The following PTPN13 variants were observed in gnomAD, a reference collection of about 807,000 sequenced individuals.
PTPN13 encodes the protein protein tyrosine phosphatase non-receptor type 13.
In PTPN13, 191 loss-of-function variants were observed where a neutral mutation model predicts 284.0. The ratio of observed to expected loss-of-function variants is 0.67; its 90% CI spans 0.60 to 0.76. The LOEUF is 0.76. Ranked by LOEUF, PTPN13 falls within the 30% of genes least tolerant of loss-of-function variation. The pLI is 0.00. For synonymous variants in PTPN13, 986 were observed against 1,022.3 expected (o/e 0.96, Z 0.68); for missense variants, 2,797 against 2,939.9 (o/e 0.95, Z 1.12).
chr4:86,639,771 T>C (rs900863227), intron 2 of PTPN13, among the ~76,000 whole-genome samples: 1 of 151,978 alleles, frequency 6.6e-6, no homozygotes, highest in African/African-American at 2.4e-5. Context: ...ATGGCACTTG[T>C]ATACATATGT....
chr4:86,735,632 G>T lies in PTPN13; in HGVS notation c.2190G>T (p.Leu730Phe). ...GVSYFRMEHYLPARVMEKLDL... is the reference protein window; with the variant it reads ...GVSYFRMEHYFPARVMEKLDL... ...CTTACTTTAGAATGGAGCACTATTTGCCCGCCAGAGTGATGGAGAAACTTG... is the reference window on the plus strand; with the variant it reads ...CTTACTTTAGAATGGAGCACTATTTTCCCGCCAGAGTGATGGAGAAACTTG... Residue 730 changes from leucine (L) to phenylalanine (F), a missense_variant, in exon 15 of 48, where the codon TTG becomes TTT. Coordinates refer to ENST00000411767, the MANE Select transcript of PTPN13 (RefSeq NM_080683.3). 2 of 1,613,434 alleles carry T rather than the reference G, an allele frequency of 1.2e-6. No individual in the cohort carries two copies. Among genetic ancestry groups the T allele is most frequent in the South Asian group, 1.1e-5 (1 of 91,006 alleles).
intron 7 of PTPN13, among the ~76,000 whole-genome samples, chr4:86,704,021 T>A (rs1265189744): frequency 6.6e-6 from 1 of 150,568 alleles, no homozygotes; most frequent in Non-Finnish European, 1.5e-5. Context: ...GAAAAAAAAA[T>A]ACAAAAATTA....
At chr4:86,740,779 A>G (rs1454016430) in intron 15 of PTPN13, among the ~76,000 whole-genome samples, 1 of 152,142 alleles carries the variant, frequency 6.6e-6, no homozygotes, top group Non-Finnish European at 1.5e-5. Flanking sequence ...GAACGCCTTT[A>G]ACAGCACCCA....
intron 38 of PTPN13, 73 bp from the exon 39 acceptor site, chr4:86,785,158 T>G: frequency 8.4e-7 from 1 of 1,189,800 alleles, no homozygotes; most frequent in South Asian, 1.8e-5. Context: ...TAGCAAATTC[T>G]GTTTAACACC....
At chr4:86,803,056 G>C (rs1012898836) in intron 42 of PTPN13, among the ~76,000 whole-genome samples, 1 of 146,434 alleles carries the variant, frequency 6.8e-6, no homozygotes, top group Non-Finnish European at 1.5e-5. Context: ...CTGGGCTACA[G>C]AATAAGACTG....
Position 86,741,754 on chromosome 4 carries a change from A to G in PTPN13, c.2425A>G (p.Asn809Asp), listed in dbSNP as rs559061187. The change falls in exon 16 of 48, where the codon AAT (asparagine) becomes GAT (aspartate). Residue 809 changes from asparagine (N) to aspartate (D), a missense_variant. By Grantham distance (23) the Asn-to-Asp change is conservative. Coordinates refer to ENST00000411767, the MANE Select transcript of PTPN13 (RefSeq NM_080683.3). ...SKGVLVFEVH[N>D]GVRTLVLRFP... ...AGGTGTCCTTGTGTTTGAAGTTCAC[A>G]ATGGAGTGCGCACATTGGTCCTTCG... The G allele has an allele frequency of 3.1e-6, 5 of 1,613,132 alleles. No homozygotes were observed. The highest frequency in any genetic ancestry group is 1.7e-5 in the Admixed American group (1 of 59,906).
At chr4:86,738,013 T>C (rs1735729505) in intron 15 of PTPN13, among the ~76,000 whole-genome samples, 1 of 152,186 alleles carries the variant, frequency 6.6e-6, no homozygotes, top group African/African-American at 2.4e-5. Context: ...AGGTGTGAGC[T>C]ACTGTGCCTG....
intron 7 of PTPN13, among the ~76,000 whole-genome samples, chr4:86,714,483 C>T (rs1732784081): frequency 6.6e-6 from 1 of 152,032 alleles, no homozygotes; most frequent in African/African-American, 2.4e-5. Flanking sequence ...CAGTCTCTCC[C>T]ACTCAACGGG....
intron 3 of PTPN13, among the ~76,000 whole-genome samples, chr4:86,673,229 A>G (rs1175507299): frequency 6.6e-6 from 1 of 152,208 alleles, no homozygotes; most frequent in African/African-American, 2.4e-5. Flanking sequence ...ATATGGCAGG[A>G]TGAAATAAAT....
At chr4:86,643,605 C>A (rs1724074126) in intron 2 of PTPN13, among the ~76,000 whole-genome samples, 1 of 152,018 alleles carries the variant, frequency 6.6e-6, no homozygotes, top group Admixed American at 6.6e-5. Context: ...TGCATAAATA[C>A]TTTCAGGAAA....
intron 2 of PTPN13, among the ~76,000 whole-genome samples, chr4:86,666,984 G>A (rs1458263962): frequency 6.6e-6 from 1 of 152,134 alleles, no homozygotes; most frequent in African/African-American, 2.4e-5. Flanking sequence ...TTGCTTGTCC[G>A]TCTGCAGCTC....
intron 2 of PTPN13, among the ~76,000 whole-genome samples, chr4:86,644,383 G>T (rs745688351): frequency 6.6e-6 from 1 of 152,052 alleles, no homozygotes; most frequent in Non-Finnish European, 1.5e-5. Context: ...CAAGCGACCC[G>T]CTCGCATCAG....
At chr4:86,783,562 TG>T (rs1329339810) in intron 37 of PTPN13, among the ~76,000 whole-genome samples, 2 of 149,610 alleles carry the variant, frequency 1.3e-5, no homozygotes, top group Non-Finnish European at 3.0e-5. Flanking sequence ...AACAATACTG[TG>T]TCCTTGAATG....
chr4:86,754,296 G>T (rs1737734906), intron 20 of PTPN13, among the ~76,000 whole-genome samples: 1 of 151,936 alleles, frequency 6.6e-6, no homozygotes, highest in Admixed American at 6.6e-5. Flanking sequence ...TAGCTTTCTA[G>T]TGATCAAACT....
chr4:86,710,212 A>G (rs1364380078), intron 7 of PTPN13, among the ~76,000 whole-genome samples: 1 of 152,166 alleles, frequency 6.6e-6, no homozygotes, highest in African/African-American at 2.4e-5. Flanking sequence ...TAAAAATGTG[A>G]GATTTTAAAA....
At chr4:86,603,841 A>T (rs1764521630) in intron 1 of PTPN13, among the ~76,000 whole-genome samples, 1 of 152,096 alleles carries the variant, frequency 6.6e-6, no homozygotes, top group African/African-American at 2.4e-5. Flanking sequence ...TATTTAAGAA[A>T]CTGGATTTAC....
chr4:86,636,997 A>G lies in PTPN13; in HGVS notation c.115+1626A>G, dbSNP rs1368241471. 6.6e-5 allele frequency among the ~76,000 whole-genome samples: 10 copies of G among 152,180 alleles called. No individual in the cohort carries two copies. In the South Asian group the frequency reaches 2.1e-3, roughly 32 times the overall value. ...CGCAATAAAAAATGATAAAGGGGAT[A>G]TCACCACCGATCCCACAGAAATACA... On this transcript the variant is annotated intron_variant, in intron 2 of 47. Transcript: ENST00000411767.
chr4:86,701,388 A>G lies in PTPN13; in HGVS notation c.782A>G (p.Asp261Gly). 1 of 1,613,562 alleles carries G rather than the reference A, an allele frequency of 6.2e-7. No individual in the cohort carries two copies. The highest frequency in any genetic ancestry group is 8.5e-7 in the Non-Finnish European group (1 of 1,179,610). Residue 261 changes from aspartate (D) to glycine (G), a missense_variant, in exon 7 of 48, where the codon GAT (aspartate) becomes GGT (glycine). Physicochemically the swap from Asp to Gly is moderately conservative, Grantham distance 94. Coordinates refer to ENST00000411767, the MANE Select transcript of PTPN13 (RefSeq NM_080683.3). ...AATTATTTCAAGGACATTTTATCAG[A>G]TAATTCTGGACGTGAAGATTCTGAA... is the stretch of plus-strand genomic sequence containing the variant. ...DENYFKDILS[D>G]NSGREDSENT...
chr4:86,600,410 A>ATT (rs1163615785), intron 1 of PTPN13, among the ~76,000 whole-genome samples: 3 of 59,364 alleles, frequency 5.1e-5, no homozygotes, highest in Admixed American at 1.6e-4. Flanking sequence ...GGTAGATGGT[A>ATT]TTTTTTTTTT....
Sources: gnomAD v4.1 joint callset for allele counts (sites outside exome capture counted in the v4.1 genomes callset) on GRCh38, gnomAD v4.1.1 for gene constraint, MANE v1.5 for transcripts, NCBI Gene and HGNC (gene_info 2026-07-23, HGNC 2026-07-21) for gene names.